RPAP3: variants seen among roughly 807,000 people sequenced by gnomAD.
RPAP3 encodes the protein RNA polymerase II associated protein 3.
A neutral mutation model predicts 88.8 loss-of-function variants in RPAP3; 58 were observed. That is an observed-to-expected ratio of 0.65 (90% CI 0.53 to 0.81). The LOEUF (loss-of-function observed/expected upper bound fraction) is 0.81. Among genes scored for constraint, RPAP3 ranks in the 40% least tolerant of loss-of-function variants. RPAP3 has a pLI of 0.00. For synonymous variants in RPAP3, 255 were observed against 259.9 expected (o/e 0.98, Z 0.18); for missense variants, 751 against 764.3 (o/e 0.98, Z 0.20).
At chr12:47,693,472 C>T (rs1939466622) in intron 5 of RPAP3, among the ~76,000 whole-genome samples, 1 of 152,164 alleles carries the variant, frequency 6.6e-6, no homozygotes, top group Non-Finnish European at 1.5e-5. Context: ...TGCTGTTGGA[C>T]AAATGGCACC....
chr12:47,686,197 T>A lies in RPAP3; in HGVS notation c.992+583A>T, dbSNP rs1592478839. Among the ~76,000 whole-genome samples, 4 of 152,188 alleles carry A rather than the reference T, an allele frequency of 2.6e-5. No homozygotes were observed. The South Asian group carries it at 8.3e-4, about 32-fold the overall frequency. ...CTAAGTTTCTGCCATCGGATATAAT[T>A]CTACTGATTGTCCAACTTGGGCACA... On this transcript the variant is annotated intron_variant, in intron 9 of 16. Transcript: ENST00000005386.
rs183820140 is a variant in RPAP3, at chr12:47,699,782, G to A, written c.294+1682C>T. Reference sequence around the variant, plus strand: ...CAAAAATTGAGACATCCACACAATGGAATTCTGGTCAGCAATGAAAAAGAA... The same window carrying A: ...CAAAAATTGAGACATCCACACAATGAAATTCTGGTCAGCAATGAAAAAGAA... On this transcript the variant is annotated intron_variant, in intron 3 of 16. Transcript: ENST00000005386. The A allele has an allele frequency of 7.9e-5, 12 of 152,226 alleles. 1 individual carries two copies. Among genetic ancestry groups the A allele is most frequent in the Admixed American group, 7.2e-4 (11 of 15,298 alleles). 9.4% of individuals were successfully genotyped at this position (152,226 alleles called of 1,614,324 possible).
At chr12:47,667,171 A>G (rs987813610) in intron 15 of RPAP3, 91 bp from the exon 16 acceptor site, 4 of 464,870 alleles carry the variant, frequency 8.6e-6, no homozygotes, top group Non-Finnish European at 1.4e-5. Context: ...TTCTAATTAT[A>G]CATAAATGAC....
intron 12 of RPAP3, among the ~76,000 whole-genome samples, chr12:47,673,517 T>C (rs568808479): frequency 5.3e-4 from 76 of 143,110 alleles, no homozygotes; most frequent in African/African-American, 1.8e-3. Context: ...AACTAAGAAA[T>C]CTATTTGCTA....
chr12:47,668,057 A>G (rs1938919011), intron 14 of RPAP3, among the ~76,000 whole-genome samples: 1 of 152,134 alleles, frequency 6.6e-6, no homozygotes, highest in Non-Finnish European at 1.5e-5. Context: ...TTAGCCGGGC[A>G]TGGTGGCACA....
Position 47,663,510 on chromosome 12 carries a change from C to A in RPAP3, c.1993G>T (p.Gly665Cys). The change falls in exon 17 of 17, where the codon GGT (glycine) becomes TGT (cysteine). Residue 665 changes from glycine (G) to cysteine (C), a missense_variant. By Grantham distance (159) the Gly-to-Cys change is radical. Coordinates refer to ENST00000005386, the MANE Select transcript of RPAP3 (RefSeq NM_024604.3). ...SVEELKKRYG[G>C] is the part of the protein sequence containing the mutation. ...TATTTCAGCAAAAATGGAAATCAAC[C>A]ACCGTATCTTTTCTTGAGTTCTTCG... is the stretch of plus-strand genomic sequence containing the variant. 1 of 1,574,500 alleles carries A rather than the reference C, an allele frequency of 6.4e-7. No homozygotes were observed. Among genetic ancestry groups the A allele is most frequent in the Non-Finnish European group, 8.6e-7 (1 of 1,159,090 alleles).
chr12:47,671,975 G>A (rs1939007910), intron 12 of RPAP3, among the ~76,000 whole-genome samples: 1 of 151,558 alleles, frequency 6.6e-6, no homozygotes, highest in Non-Finnish European at 1.5e-5. Context: ...TTATTTAGTT[G>A]TATATTGTGA....
chr12:47,697,547 T>G, intron 4 of RPAP3, 50 bp downstream of exon 4: 1 of 1,524,712 alleles, frequency 6.6e-7, no homozygotes, highest in Non-Finnish European at 8.9e-7. Context: ...CACATGATTT[T>G]CAACATCTCC....
intron 1 of RPAP3, among the ~76,000 whole-genome samples, chr12:47,703,947 A>G (rs1323985975): frequency 1.3e-5 from 2 of 152,232 alleles, no homozygotes; most frequent in Non-Finnish European, 2.9e-5. Context: ...GTCAAGAAAT[A>G]CAATGTTAAA....
At chr12:47,702,936 A>G (rs1359682559) in intron 1 of RPAP3, 90 bp from the exon 2 acceptor site, 7 of 989,732 alleles carry the variant, frequency 7.1e-6, no homozygotes, top group Admixed American at 5.6e-5. Context: ...TTACCACTTC[A>G]TAAGTGGCCA....
intron 12 of RPAP3, among the ~76,000 whole-genome samples, chr12:47,671,599 G>T (rs1191395594): frequency 1.3e-5 from 2 of 152,150 alleles, no homozygotes; most frequent in Non-Finnish European, 2.9e-5. Context: ...TCTTCAAGCA[G>T]TTCTATTTTA....
intron 5 of RPAP3, among the ~76,000 whole-genome samples, chr12:47,691,066 G>A (rs1484270635): frequency 6.6e-6 from 1 of 152,112 alleles, no homozygotes; most frequent in African/African-American, 2.4e-5. Flanking sequence ...ATCTTGCCTT[G>A]ATGTTGATGG....
At chr12:47,674,839 G>A (rs762713007) in intron 12 of RPAP3, among the ~76,000 whole-genome samples, 3 of 152,158 alleles carry the variant, frequency 2.0e-5, no homozygotes, top group African/African-American at 7.2e-5. Context: ...TATTATCCAG[G>A]AGAACTTCCC....
chr12:47,692,344 T>G (rs1230287564), intron 5 of RPAP3, among the ~76,000 whole-genome samples: 2 of 152,256 alleles, frequency 1.3e-5, no homozygotes, highest in African/African-American at 2.4e-5. Context: ...TTTAACACAG[T>G]AACCTTCATC....
intron 3 of RPAP3, among the ~76,000 whole-genome samples, chr12:47,699,073 G>A (rs1463897047): frequency 6.6e-6 from 1 of 152,146 alleles, no homozygotes; most frequent in East Asian, 1.9e-4. Flanking sequence ...GACATGTATA[G>A]AAAACTAACA....
At position 47,667,731 on chromosome 12, in the gene RPAP3, T is replaced by C. The variant is rs566393278; in HGVS notation, c.1811+23A>G. ...TAACATTAAGTGAGGACTTACTGTA[T>C]AACTAAAAAAAACTTGACTTACTCA... On this transcript the variant is annotated intron_variant, in intron 15 of 16. Coordinates refer to ENST00000005386, the MANE Select transcript of RPAP3 (RefSeq NM_024604.3). The C allele has an allele frequency of 6.0e-5, 84 of 1,394,562 alleles. 2 individuals are homozygous for C. The South Asian group carries it at 8.7e-4, about 15-fold the overall frequency. The allele number at this position is 1,394,562 out of a possible 1,614,324, so 86.4% of individuals were successfully genotyped here. A position where few individuals can be genotyped will look rare whatever the true frequency, so the allele number is the denominator to read the frequency against.
chr12:47,664,165 G>A (rs1398974638), intron 16 of RPAP3, among the ~76,000 whole-genome samples: 6 of 152,268 alleles, frequency 3.9e-5, no homozygotes, highest in Middle Eastern at 3.4e-3. Flanking sequence ...CGAGGCAGGC[G>A]GATCATGAGG....
intron 1 of RPAP3, among the ~76,000 whole-genome samples, chr12:47,705,562 T>C (rs1348450690): frequency 6.6e-6 from 1 of 151,970 alleles, no homozygotes; most frequent in Non-Finnish European, 1.5e-5. Context: ...GAGCCAGCAA[T>C]CAAAAACTTC....
At chr12:47,664,619 C>T (rs1938830072) in intron 16 of RPAP3, 2 of 152,170 alleles carry the variant, frequency 1.3e-5, no homozygotes. Flanking sequence ...ATTCTAAGCG[C>T]TTTCCATGTT....
Sources: allele counts gnomAD v4.1 joint callset (sites outside exome capture counted in the v4.1 genomes callset), GRCh38; gene constraint gnomAD v4.1.1; transcripts MANE v1.5; gene names NCBI Gene and HGNC (gene_info 2026-07-23, HGNC 2026-07-21).